The following CDK8 variants were observed in gnomAD, a reference collection of about 807,000 sequenced individuals.
CDK8 encodes cyclin-dependent kinase 8.
In CDK8, 29 loss-of-function variants were observed where a neutral mutation model predicts 71.5. That is an observed-to-expected ratio of 0.41 (90% CI 0.30 to 0.55). CDK8 has a LOEUF of 0.55. Ranked by LOEUF, CDK8 falls within the 20% of genes least tolerant of loss-of-function variation. CDK8 has a pLI of 0.37. For synonymous variants in CDK8, 161 were observed against 192.1 expected, an observed-to-expected ratio of 0.84 and a Z score of 1.34; for missense variants, 288 against 572.6, an observed-to-expected ratio of 0.50 and a Z score of 5.07.
At chr13:26,345,131 T>TTA (rs986686256) in intron 2 of CDK8, among the ~76,000 whole-genome samples, 1 of 152,168 alleles carries the variant, frequency 6.6e-6, no homozygotes, top group Admixed American at 6.5e-5. Context: ...CATTATAATC[T>TTA]TATATATGCT....
chr13:26,325,820 A>G (rs530412630), intron 1 of CDK8, among the ~76,000 whole-genome samples: 1 of 152,304 alleles, frequency 6.6e-6, no homozygotes, highest in Admixed American at 6.5e-5. Context: ...GATTCAGGGT[A>G]TTCAGATCAT....
chr13:26,330,500 C>T (rs564772213), intron 1 of CDK8, among the ~76,000 whole-genome samples: 20 of 152,276 alleles, frequency 1.3e-4, no homozygotes, highest in Middle Eastern at 3.4e-3. Context: ...CTACCACGCC[C>T]GGCTGAATTT....
At chr13:26,306,271 A>T (rs1330415257) in intron 1 of CDK8, among the ~76,000 whole-genome samples, 1 of 152,022 alleles carries the variant, frequency 6.6e-6, no homozygotes, top group Non-Finnish European at 1.5e-5. Context: ...TGGTTTCTGG[A>T]CTGTAAATTT....
At chr13:26,382,723 T>A in intron 4 of CDK8, 91 bp from the exon 5 acceptor site, 1 of 736,748 alleles carries the variant, frequency 1.4e-6, no homozygotes, top group East Asian at 2.6e-5. Flanking sequence ...TGAGATTTTT[T>A]AAAAGGTGGA....
chr13:26,296,340 TG>T (rs1873561625), intron 1 of CDK8, among the ~76,000 whole-genome samples: 1 of 152,212 alleles, frequency 6.6e-6, no homozygotes, highest in African/African-American at 2.4e-5. Context: ...AAGGGCTCTT[TG>T]GTTATCTTTG....
intron 1 of CDK8, among the ~76,000 whole-genome samples, chr13:26,269,849 T>C (rs771378333): frequency 1.6e-3 from 244 of 152,282 alleles, no homozygotes; most frequent in African/African-American, 5.6e-3. Context: ...TAGCATTTGC[T>C]ACTAGTTACT....
At chr13:26,360,738 A>C (rs914649416) in intron 4 of CDK8, among the ~76,000 whole-genome samples, 2 of 152,230 alleles carry the variant, frequency 1.3e-5, no homozygotes, top group Non-Finnish European at 2.9e-5. Flanking sequence ...ACAGAAACAA[A>C]GTGGCTTCCA....
At chr13:26,291,711 A>G (rs1302730201) in intron 1 of CDK8, among the ~76,000 whole-genome samples, 1 of 152,190 alleles carries the variant, frequency 6.6e-6, no homozygotes, top group Non-Finnish European at 1.5e-5. Flanking sequence ...GCAATTTGCT[A>G]TCATGGTACA....
intron 1 of CDK8, among the ~76,000 whole-genome samples, chr13:26,290,301 T>C (rs537754367): frequency 6.6e-6 from 1 of 152,366 alleles, no homozygotes; most frequent in South Asian, 2.1e-4. Flanking sequence ...TTCTTTCATT[T>C]ATTATTAATT....
chr13:26,369,690 G>A (rs1276619078), intron 4 of CDK8, among the ~76,000 whole-genome samples: 6 of 144,166 alleles, frequency 4.2e-5, no homozygotes, highest in African/African-American at 1.5e-4. Context: ...CACCATGCCC[G>A]GCTAATTTTT....
intron 1 of CDK8, among the ~76,000 whole-genome samples, chr13:26,294,905 A>G (rs1456464301): frequency 2.0e-5 from 3 of 152,088 alleles, no homozygotes; most frequent in African/African-American, 7.2e-5. Context: ...GTGCACCACC[A>G]TGCCCTGCTA....
chr13:26,295,394 A>G (rs1329560447), intron 1 of CDK8, among the ~76,000 whole-genome samples: 1 of 152,146 alleles, frequency 6.6e-6, no homozygotes, highest in African/African-American at 2.4e-5. Flanking sequence ...ACAGAATCTT[A>G]GTAGTGTCTC....
At chr13:26,343,882 T>A (rs1162766710) in intron 2 of CDK8, among the ~76,000 whole-genome samples, 14 of 152,128 alleles carry the variant, frequency 9.2e-5, no homozygotes, top group Admixed American at 7.9e-4. Flanking sequence ...TTTTTCTATT[T>A]AAAAAATTTT....
intron 1 of CDK8, among the ~76,000 whole-genome samples, chr13:26,323,767 T>TC (rs1656457130): frequency 6.6e-6 from 1 of 152,184 alleles, no homozygotes; most frequent in African/African-American, 2.4e-5. Flanking sequence ...ATATGCACGT[T>TC]CAGCTTGTGA....
At chr13:26,272,575 T>C (rs1382489499) in intron 1 of CDK8, among the ~76,000 whole-genome samples, 2 of 152,242 alleles carry the variant, frequency 1.3e-5, no homozygotes, top group African/African-American at 2.4e-5. Flanking sequence ...GAGTACACTC[T>C]TTACTTTTTA....
At chr13:26,322,919 A>C (rs1484189027) in intron 1 of CDK8, among the ~76,000 whole-genome samples, 1 of 152,032 alleles carries the variant, frequency 6.6e-6, no homozygotes. Flanking sequence ...CTCTCCTCTC[A>C]CGATAATTTT....
At chr13:26,277,063 A>G (rs914914633) in intron 1 of CDK8, among the ~76,000 whole-genome samples, 5 of 152,200 alleles carry the variant, frequency 3.3e-5, no homozygotes, top group African/African-American at 1.2e-4. Flanking sequence ...AAACAATTCT[A>G]TTTCAGAAGA....
chr13:26,396,452 A>G, intron 8 of CDK8, 98 bp downstream of exon 8: 1 of 406,472 alleles, frequency 2.5e-6, no homozygotes, highest in Non-Finnish European at 4.4e-6. Context: ...TCAATATAAG[A>G]TTACTCTAAT....
At chr13:26,285,320 G>A (rs1349146517) in intron 1 of CDK8, among the ~76,000 whole-genome samples, 1 of 152,096 alleles carries the variant, frequency 6.6e-6, no homozygotes, top group African/African-American at 2.4e-5. Context: ...TAATCAAGTG[G>A]GTTTCATAAC....
Sources: allele counts gnomAD v4.1 joint callset (sites outside exome capture counted in the v4.1 genomes callset), GRCh38; gene constraint gnomAD v4.1.1; transcripts MANE v1.5; gene names NCBI Gene and HGNC (gene_info 2026-07-23, HGNC 2026-07-21).